CADPS: variants seen among roughly 807,000 people sequenced by gnomAD.
CADPS encodes the protein calcium-dependent secretion activator 1.
Under a neutral mutation model 167.3 loss-of-function variants are expected in CADPS, and 57 were observed. That is an observed-to-expected ratio of 0.34 (90% CI 0.28 to 0.42). CADPS has a LOEUF of 0.42. Ranked by LOEUF, CADPS falls within the 20% of genes least tolerant of loss-of-function variation. The pLI, the probability that CADPS is intolerant of heterozygous loss-of-function variation, is 1.00. For missense variants in CADPS, 1,414 were observed against 1,738.1 expected (o/e 0.81, Z 3.32); for synonymous variants, 676 against 635.3 (o/e 1.06, Z -0.96).
chr3:62,532,729 G>C, intron 13 of CADPS, 142 bp downstream of exon 13: 1 of 592,782 alleles, frequency 1.7e-6, no homozygotes, highest in Non-Finnish European at 3.0e-6. Context: ...GTGTGTGTGT[G>C]TGTGTGTGTG....
intron 3 of CADPS, among the ~76,000 whole-genome samples, chr3:62,697,682 A>G (rs2151454532): frequency 6.6e-6 from 1 of 152,222 alleles, no homozygotes; most frequent in East Asian, 1.9e-4. Flanking sequence ...GAATCTGCAC[A>G]CTGGCTTCCG....
In CADPS at chr3:62,874,106, C is replaced by A. The variant is rs1002946042; in HGVS notation, c.441+483G>T. On this transcript the variant is annotated intron_variant, in intron 1 of 29. Transcript: ENST00000383710. This position sits in a 1 kb window ranked among gnomAD's most constrained non-coding sequence, Gnocchi z 7.1. The stretch of plus-strand genomic sequence containing the variant: ...GCGAGCGGAGCGCTGCTCCAAGACG[C>A]TCTTCTCCCTCCACCTCGGCGCCCC... Among the ~76,000 whole-genome samples the A allele has an allele frequency of 3.3e-5, 5 of 152,332 alleles. No homozygotes were observed. The East Asian group carries it at 9.7e-4, about 30-fold the overall frequency.
At chr3:62,482,625 T>A (rs1205867523) in intron 21 of CADPS, among the ~76,000 whole-genome samples, 1 of 152,218 alleles carries the variant, frequency 6.6e-6, no homozygotes, top group South Asian at 2.1e-4. Context: ...AATCCCCAAT[T>A]CAGCTCTTGT....
intron 11 of CADPS, among the ~76,000 whole-genome samples, chr3:62,549,463 T>TTTC (rs201201071): frequency 6.6e-6 from 1 of 151,018 alleles, no homozygotes; most frequent in African/African-American, 2.4e-5. Flanking sequence ...TTTTTTTTTT[T>TTTC]CGCTGCATGT....
chr3:62,552,312 G>A (rs2077442714), intron 10 of CADPS, among the ~76,000 whole-genome samples: 2 of 151,880 alleles, frequency 1.3e-5, no homozygotes, highest in Admixed American at 1.3e-4. Context: ...ACACCAACAT[G>A]GCACATGTAT....
intron 8 of CADPS, among the ~76,000 whole-genome samples, chr3:62,571,779 G>A (rs2081334885): frequency 6.6e-6 from 1 of 152,122 alleles, no homozygotes; most frequent in Non-Finnish European, 1.5e-5. Flanking sequence ...GGTCAGGCTG[G>A]TCTCGAACTC....
intron 8 of CADPS, among the ~76,000 whole-genome samples, chr3:62,573,322 T>TC (rs777548143): frequency 6.4e-4 from 97 of 152,274 alleles, no homozygotes; most frequent in Middle Eastern, 3.4e-3. Context: ...CTTGCTTTTC[T>TC]CCCCCCACAT....
intron 12 of CADPS, among the ~76,000 whole-genome samples, chr3:62,535,143 T>C (rs1393748987): frequency 6.6e-6 from 1 of 152,020 alleles, no homozygotes; most frequent in Admixed American, 6.6e-5. Context: ...ATGAATGCCA[T>C]TTATAATTAT....
chr3:62,660,322 A>AT (rs2072876001), intron 4 of CADPS, among the ~76,000 whole-genome samples: 1 of 152,178 alleles, frequency 6.6e-6, no homozygotes, highest in Admixed American at 6.5e-5. Context: ...AATGACCTCC[A>AT]TTTTCTGGAT....
chr3:62,832,823 A>G (rs1559834312), intron 1 of CADPS, among the ~76,000 whole-genome samples: 1 of 152,168 alleles, frequency 6.6e-6, no homozygotes, highest in Admixed American at 6.5e-5. Flanking sequence ...AAATCTCCCA[A>G]TCTCGCAGTC....
intron 21 of CADPS, among the ~76,000 whole-genome samples, chr3:62,490,027 C>G (rs2063447737): frequency 6.6e-6 from 1 of 152,110 alleles, no homozygotes; most frequent in Non-Finnish European, 1.5e-5. Context: ...TAGGGAAACT[C>G]CTCTTGTGGC....
intron 1 of CADPS, among the ~76,000 whole-genome samples, chr3:62,838,112 T>C (rs891140621): frequency 3.9e-5 from 6 of 152,214 alleles, no homozygotes; most frequent in African/African-American, 1.4e-4. Flanking sequence ...GATCTCTACA[T>C]GTGTCCACAC....
rs900274195 is a variant in CADPS, at chr3:62,446,351, C to T, written c.3637-554G>A. 5.9e-5 allele frequency among the ~76,000 whole-genome samples: 9 copies of T among 152,116 alleles called. No individual in the cohort carries two copies. The highest frequency in any genetic ancestry group is 1.4e-4 in the African/African-American group (6 of 41,430). ...GCTGCCGTTATGTCTCCTGCTTTTACGTGCTAAAAATTCCAGATGGGAAGT... is the reference window on the plus strand; with the variant it reads ...GCTGCCGTTATGTCTCCTGCTTTTATGTGCTAAAAATTCCAGATGGGAAGT... On this transcript the variant is annotated intron_variant, in intron 26 of 29. Transcript: ENST00000383710. The surrounding 1 kb of genome is among the most constrained non-coding windows in gnomAD (Gnocchi z 4.9).
intron 6 of CADPS, among the ~76,000 whole-genome samples, chr3:62,636,318 A>G (rs2066290326): frequency 6.6e-6 from 1 of 152,192 alleles, no homozygotes; most frequent in Non-Finnish European, 1.5e-5. Context: ...TCTTATGCCC[A>G]TGCTGAACCT....
chr3:62,569,821 A>T (rs1034927262), intron 9 of CADPS, among the ~76,000 whole-genome samples: 6 of 152,204 alleles, frequency 3.9e-5, no homozygotes, highest in Non-Finnish European at 7.3e-5. Flanking sequence ...ATTATAGTTT[A>T]AATGCTCTGG....
chr3:62,734,056 G>C (rs2078487479), intron 3 of CADPS, among the ~76,000 whole-genome samples: 1 of 152,050 alleles, frequency 6.6e-6, no homozygotes, highest in African/African-American at 2.4e-5. Context: ...ATTTAGGTTG[G>C]TTCCATAATT....
rs1013232122 is a variant in CADPS, at chr3:62,753,075, C to T, written c.888+366G>A. On this transcript the variant is annotated intron_variant, in intron 3 of 29. Transcript: ENST00000383710. This position sits in a 1 kb window ranked among gnomAD's most constrained non-coding sequence, Gnocchi z 4.6. Reference sequence around the variant, plus strand: ...AGTAGTCTTCCCAGCTGAGGAAGCACAAGCCCTTCAACTGGCAAACACCAA... The same window carrying T: ...AGTAGTCTTCCCAGCTGAGGAAGCATAAGCCCTTCAACTGGCAAACACCAA... Among the ~76,000 whole-genome samples, 1 of 152,206 alleles carries T rather than the reference C, an allele frequency of 6.6e-6. No homozygotes were observed. Among genetic ancestry groups the T allele is most frequent in the Admixed American group, 6.5e-5 (1 of 15,278 alleles).
intron 28 of CADPS, among the ~76,000 whole-genome samples, chr3:62,407,622 G>T (rs761212981): frequency 6.6e-6 from 1 of 152,204 alleles, no homozygotes; most frequent in Non-Finnish European, 1.5e-5. Flanking sequence ...AGCATTAAAA[G>T]AAATCATGTA....
intron 6 of CADPS, among the ~76,000 whole-genome samples, chr3:62,603,225 A>T (rs833634): frequency 1 from 152,013 of 152,338 alleles, 75,845 homozygotes; most frequent in Middle Eastern, 1. Flanking sequence ...AATGATTTCA[A>T]GAAACTCTGA....
Sources: gnomAD v4.1 joint callset for allele counts (sites outside exome capture counted in the v4.1 genomes callset) on GRCh38, gnomAD v4.1.1 for gene constraint, Gnocchi (gnomAD v3.1) non-coding constraint, MANE v1.5 for transcripts, NCBI Gene and HGNC (gene_info 2026-07-23, HGNC 2026-07-21) for gene names.